PGM3: variants seen among roughly 807,000 people sequenced by gnomAD.
PGM3 encodes phosphoacetylglucosamine mutase.
Under a neutral mutation model 66.2 loss-of-function variants are expected in PGM3, and 40 were observed. The observed-to-expected ratio is 0.60, with a 90% confidence interval of 0.47 to 0.79. The LOEUF is 0.79. PGM3 is among the 30% of genes least tolerant of loss of function. The probability of loss-of-function intolerance (pLI) is 0.00; values close to 1 mark genes in which losing one functional copy is unlikely to be tolerated. For synonymous variants in PGM3, 191 were observed against 224.2 expected (o/e 0.85, Z 1.32); for missense variants, 537 against 643.4 (o/e 0.83, Z 1.79).
intron 8 of PGM3, among the ~76,000 whole-genome samples, chr6:83,178,256 A>T (rs1216814075): frequency 6.6e-6 from 1 of 152,212 alleles, no homozygotes; most frequent in Non-Finnish European, 1.5e-5. Flanking sequence ...TGACAGGTAG[A>T]TAGTTACAAA....
intron 8 of PGM3, among the ~76,000 whole-genome samples, chr6:83,176,513 T>C (rs1787782584): frequency 6.6e-6 from 1 of 152,186 alleles, no homozygotes; most frequent in African/African-American, 2.4e-5. Context: ...CAAATCAACA[T>C]AGCTCTATTC....
At chr6:83,153,722 T>A in the PGM3 span, 1 of 1,205,152 alleles carries the variant, frequency 8.3e-7, no homozygotes, top group Non-Finnish European at 1.1e-6. Context: ...AAAATGGCAT[T>A]TTTACCTTGA....
At chr6:83,179,383 A>G (rs1486243664) in intron 7 of PGM3, among the ~76,000 whole-genome samples, 1 of 152,060 alleles carries the variant, frequency 6.6e-6, no homozygotes, top group Non-Finnish European at 1.5e-5. Flanking sequence ...TTCCAATTAC[A>G]TTGTGTACTT....
Position 83,166,815 on chromosome 6 carries a change from A to G in PGM3, c.*2419T>C, listed in dbSNP as rs892047649. 2.9e-6 allele frequency: 3 copies of G among 1,017,380 alleles called. No individual in the cohort carries two copies. The African/African-American group carries it at 5.1e-5, about 17-fold the overall frequency. The allele number at this position is 1,017,380 out of a possible 1,614,324, so 63.0% of individuals were successfully genotyped here. A position where few individuals can be genotyped will look rare whatever the true frequency, so the allele number is the denominator to read the frequency against. On this transcript the variant is annotated 3_prime_UTR_variant, in exon 13 of 13. Transcript: ENST00000513973. ...GTGATATTAAATTATTAGGTAAACAATGAAAGTTTCTGAGCAACATCTGAT... is the reference window on the plus strand; with the variant it reads ...GTGATATTAAATTATTAGGTAAACAGTGAAAGTTTCTGAGCAACATCTGAT...
downstream of PGM3, chr6:83,164,518 C>A: frequency 1.3e-6 from 1 of 774,712 alleles, no homozygotes; most frequent in Non-Finnish European, 2.2e-6. Flanking sequence ...CAGTCTTTTG[C>A]CCAAAATTTG....
At chr6:83,187,779 G>A (rs1030003119) in intron 3 of PGM3, among the ~76,000 whole-genome samples, 4 of 152,054 alleles carry the variant, frequency 2.6e-5, no homozygotes, top group African/African-American at 9.7e-5. Context: ...ACTCCAGCCT[G>A]GTGACAGAGC....
downstream of PGM3, among the ~76,000 whole-genome samples, chr6:83,156,788 G>A (rs1448894092): frequency 1.3e-5 from 2 of 151,956 alleles, no homozygotes; most frequent in African/African-American, 2.4e-5. Flanking sequence ...AACCTTTTAC[G>A]CCTAATTTCA....
In PGM3 at chr6:83,169,013, TAGTG is replaced by T. The variant is rs1320596385; in HGVS notation, c.*217_*220del. Reference sequence around the variant, plus strand: ...ATACTTAAGTCCCAGTATTTTACATTAGTGAGACTGAAATTAGAGGTAAATTTCT... The same window carrying T: ...ATACTTAAGTCCCAGTATTTTACATTAGACTGAAATTAGAGGTAAATTTCT... On this transcript the variant is annotated 3_prime_UTR_variant, in exon 13 of 13. Coordinates refer to ENST00000513973, the MANE Select transcript of PGM3 (RefSeq NM_015599.3). 6.1e-5 allele frequency: 82 copies of T among 1,343,504 alleles called. No individual in the cohort carries two copies. The highest frequency in any genetic ancestry group is 7.6e-5 in the Non-Finnish European group (79 of 1,046,268). 83.2% of individuals were successfully genotyped at this position (1,343,504 alleles called of 1,614,324 possible). A position where few individuals can be genotyped will look rare whatever the true frequency, so the allele number is the denominator to read the frequency against.
intron 1 of PGM3, 118 bp downstream of exon 1, chr6:83,193,061 C>A (rs1427242529): frequency 6.6e-6 from 1 of 152,382 alleles, no homozygotes; most frequent in African/African-American, 2.4e-5. Flanking sequence ...CTCGGTCAGT[C>A]GCCCGCCAGA....
chr6:83,154,094 G>A, the PGM3 span: 1 of 1,612,494 alleles, frequency 6.2e-7, no homozygotes. Flanking sequence ...ACAGTCTGAT[G>A]AAATCAGCTA....
chr6:83,181,641 C>A (rs189981386), intron 6 of PGM3, 95 bp downstream of exon 6: 9 of 830,360 alleles, frequency 1.1e-5, no homozygotes, highest in Admixed American at 5.2e-5. Flanking sequence ...GGAATAGCTG[C>A]AAGATTCTTA....
intron 12 of PGM3, 24 bp from the exon 13 acceptor site, chr6:83,169,347 T>C: frequency 6.2e-7 from 1 of 1,612,846 alleles, no homozygotes; most frequent in African/African-American, 1.3e-5. Flanking sequence ...TAAAAGAGAT[T>C]AGATGAGAAA....
At chr6:83,151,493 C>A in the PGM3 span, 1 of 794,506 alleles carries the variant, frequency 1.3e-6, no homozygotes, top group South Asian at 2.2e-5. Context: ...AAATGGAAAT[C>A]AAGACCATTA....
At chr6:83,176,957 T>G (rs1562418470) in intron 8 of PGM3, among the ~76,000 whole-genome samples, 1 of 152,210 alleles carries the variant, frequency 6.6e-6, no homozygotes, top group Non-Finnish European at 1.5e-5. Context: ...TTGAATGAGC[T>G]TATTATAACC....
chr6:83,162,773 C>T (rs1463738931), downstream of PGM3: 1 of 1,596,584 alleles, frequency 6.3e-7, no homozygotes, highest in Non-Finnish European at 8.5e-7. Flanking sequence ...ATGCTGATGT[C>T]ATTATTCTAT....
At chr6:83,158,740 A>G (rs1783448273), downstream of PGM3, 1 of 724,304 alleles carries the variant, frequency 1.4e-6, no homozygotes, top group Non-Finnish European at 2.2e-6. Flanking sequence ...ATTATTATCT[A>G]ATTGATTACG....
downstream of PGM3, among the ~76,000 whole-genome samples, chr6:83,161,962 TAAAAAG>T (rs778002356): frequency 2.0e-5 from 3 of 152,294 alleles, no homozygotes; most frequent in Non-Finnish European, 4.4e-5. Context: ...ATGTTGCTGT[TAAAAAG>T]AATGAAGTTT....
intron 11 of PGM3, chr6:83,170,833 T>C (rs1786939473): frequency 5.8e-6 from 1 of 171,806 alleles, no homozygotes; most frequent in South Asian, 1.7e-4. Flanking sequence ...AAAAATAATC[T>C]GAACAATCAG....
chr6:83,170,549 A>G, intron 11 of PGM3, 71 bp from the exon 12 acceptor site: 3 of 1,221,520 alleles, frequency 2.5e-6, no homozygotes, highest in Non-Finnish European at 3.5e-6. Flanking sequence ...TTAAACATAC[A>G]TTCTACGAAA....
Sources: gnomAD v4.1 joint callset for allele counts (sites outside exome capture counted in the v4.1 genomes callset) on GRCh38, gnomAD v4.1.1 for gene constraint, MANE v1.5 for transcripts, NCBI Gene and HGNC (gene_info 2026-07-23, HGNC 2026-07-21) for gene names.